CSMD1: variants seen among roughly 807,000 people sequenced by gnomAD.
CSMD1 encodes the protein CUB and sushi domain-containing protein 1.
CSMD1 carries 213 observed loss-of-function variants against 417.5 expected under a neutral mutation model. That is an observed-to-expected ratio of 0.51 (90% CI 0.46 to 0.57). The LOEUF (loss-of-function observed/expected upper bound fraction) is 0.57, where lower values mean the gene tolerates loss of function less well. Among genes scored for constraint, CSMD1 ranks in the 20% least tolerant of loss-of-function variants. The probability of loss-of-function intolerance (pLI) is 0.00; values close to 1 mark genes in which losing one functional copy is unlikely to be tolerated. For missense variants in CSMD1, 6,923 were observed against 4,529.7 expected (o/e 1.53, Z -15.17); for synonymous variants, 2,862 against 1,736.8 (o/e 1.65, Z -16.11).
chr8:4,139,599 G>C (rs545534361), intron 3 of CSMD1, among the ~76,000 whole-genome samples: 1 of 151,198 alleles, frequency 6.6e-6, no homozygotes, highest in East Asian at 1.9e-4. Context: ...TGGGCATCAA[G>C]GGGACAAGGA....
intron 5 of CSMD1, among the ~76,000 whole-genome samples, chr8:3,848,980 T>C (rs3109666): frequency 0.43 from 65,544 of 150,850 alleles, 15,531 homozygotes; most frequent in African/African-American, 0.64. Context: ...TACTCCTAGT[T>C]AATCTTATAA....
intron 5 of CSMD1, among the ~76,000 whole-genome samples, chr8:3,927,465 G>C (rs991464753): frequency 6.6e-6 from 1 of 151,826 alleles, no homozygotes; most frequent in Non-Finnish European, 1.5e-5. Flanking sequence ...AGGAGTTTGG[G>C]ACCACCCTGG....
intron 4 of CSMD1, among the ~76,000 whole-genome samples, chr8:4,027,894 T>C (rs1388100729): frequency 1.3e-5 from 2 of 152,038 alleles, no homozygotes; most frequent in South Asian, 2.1e-4. Flanking sequence ...GTAACTTTGA[T>C]TTTTTTTCTG....
At chr8:2,991,150 T>C (rs766227075) in intron 54 of CSMD1, among the ~76,000 whole-genome samples, 1 of 152,234 alleles carries the variant, frequency 6.6e-6, no homozygotes, top group Non-Finnish European at 1.5e-5. Flanking sequence ...CAATTATTTC[T>C]AGGGTGTGTC....
At position 2,938,288 on chromosome 8, in the gene CSMD1, T is replaced by C. The variant is rs1801632270; in HGVS notation, c.*297A>G. 3.3e-6 allele frequency: 1 copy of C among 305,778 alleles called. No individual in the cohort carries two copies. Among genetic ancestry groups the C allele is most frequent in the African/African-American group, 2.1e-5 (1 of 46,572 alleles). The allele number at this position is 305,778 out of a possible 1,614,324, so 18.9% of individuals were successfully genotyped here. On this transcript the variant is annotated 3_prime_UTR_variant, in exon 70 of 70. Coordinates refer to ENST00000635120, the MANE Select transcript of CSMD1 (RefSeq NM_033225.6). Reference sequence around the variant, plus strand: ...CACAGAAATATGAAAGTCTGAGGCATTGAGTATGACGTGTTGGCGCGACGT... The same window carrying C: ...CACAGAAATATGAAAGTCTGAGGCACTGAGTATGACGTGTTGGCGCGACGT...
intron 5 of CSMD1, among the ~76,000 whole-genome samples, chr8:3,955,337 C>T (rs1811871183): frequency 6.6e-6 from 1 of 152,140 alleles, no homozygotes; most frequent in Non-Finnish European, 1.5e-5. Context: ...CCATGTTACG[C>T]CACAGAAACA....
chr8:4,024,713 C>T (rs917147822), intron 4 of CSMD1, among the ~76,000 whole-genome samples: 1 of 152,094 alleles, frequency 6.6e-6, no homozygotes, highest in African/African-American at 2.4e-5. Flanking sequence ...TATGGTGGTT[C>T]ATTGGAGTTG....
chr8:3,397,128 G>A (rs1436017764), intron 16 of CSMD1, among the ~76,000 whole-genome samples: 1 of 152,104 alleles, frequency 6.6e-6, no homozygotes, highest in Non-Finnish European at 1.5e-5. Context: ...TCCAGGCACG[G>A]AGATAATTTT....
At chr8:4,139,486 C>T (rs1407105112) in intron 3 of CSMD1, among the ~76,000 whole-genome samples, 2 of 144,644 alleles carry the variant, frequency 1.4e-5, no homozygotes, top group African/African-American at 2.9e-5. Context: ...AGGAAGGTGG[C>T]GTGGATGAAT....
intron 1 of CSMD1, among the ~76,000 whole-genome samples, chr8:4,662,093 A>G (rs1242116335): frequency 6.6e-6 from 1 of 152,192 alleles, no homozygotes; most frequent in Non-Finnish European, 1.5e-5. Context: ...GGGACTAGAG[A>G]AACACCACAA....
At chr8:3,483,633 A>C (rs1817864221) in intron 11 of CSMD1, among the ~76,000 whole-genome samples, 1 of 152,154 alleles carries the variant, frequency 6.6e-6, no homozygotes, top group African/African-American at 2.4e-5. Context: ...TAATCTTATA[A>C]TGAAGATAGT....
intron 3 of CSMD1, among the ~76,000 whole-genome samples, chr8:4,169,741 A>C (rs1243831231): frequency 3.9e-5 from 6 of 152,118 alleles, no homozygotes; most frequent in East Asian, 1.9e-4. Flanking sequence ...GTGGAGGTTC[A>C]AACGCCCCCT....
chr8:4,553,697 C>G (rs1389201982), intron 2 of CSMD1, among the ~76,000 whole-genome samples: 1 of 152,102 alleles, frequency 6.6e-6, no homozygotes, highest in Non-Finnish European at 1.5e-5. Context: ...TTTTAGGATT[C>G]TAGAGTGACG....
chr8:3,548,252 T>A (rs1178870615), intron 10 of CSMD1, among the ~76,000 whole-genome samples: 2 of 152,182 alleles, frequency 1.3e-5, no homozygotes, highest in Non-Finnish European at 2.9e-5. Context: ...CTGCCCTTCC[T>A]CACTCTCTGT....
intron 2 of CSMD1, among the ~76,000 whole-genome samples, chr8:4,609,382 C>A (rs1300313771): frequency 6.6e-6 from 1 of 152,164 alleles, no homozygotes; most frequent in African/African-American, 2.4e-5. Context: ...GCCTGGGTGA[C>A]AGGGTGAGAC....
intron 2 of CSMD1, among the ~76,000 whole-genome samples, chr8:4,470,735 G>A (rs1016150814): frequency 6.6e-6 from 1 of 152,132 alleles, no homozygotes; most frequent in African/African-American, 2.4e-5. Flanking sequence ...AATGAACACA[G>A]AAAAACACCA....
intron 7 of CSMD1, among the ~76,000 whole-genome samples, chr8:3,659,143 G>A (rs1340030116): frequency 6.6e-6 from 1 of 152,144 alleles, no homozygotes; most frequent in Non-Finnish European, 1.5e-5. Flanking sequence ...AAAATAAAAT[G>A]TAACTTGTTG....
intron 2 of CSMD1, among the ~76,000 whole-genome samples, chr8:4,470,248 C>G (rs1198111432): frequency 6.6e-6 from 1 of 152,096 alleles, no homozygotes; most frequent in African/African-American, 2.4e-5. Flanking sequence ...AGGTCCATTT[C>G]CCATCAGGGG....
intron 38 of CSMD1, among the ~76,000 whole-genome samples, chr8:3,158,783 A>G (rs913228397): frequency 3.9e-5 from 6 of 152,154 alleles, no homozygotes; most frequent in African/African-American, 1.4e-4. Context: ...TGGCCTTATC[A>G]GCCAGGTTTG....
Sources: gnomAD v4.1 joint callset for allele counts (sites outside exome capture counted in the v4.1 genomes callset) on GRCh38, gnomAD v4.1.1 for gene constraint, MANE v1.5 for transcripts, NCBI Gene and HGNC (gene_info 2026-07-23, HGNC 2026-07-21) for gene names.